LONRF1: variants seen among roughly 807,000 people sequenced by gnomAD.
The protein encoded by LONRF1 is LON peptidase N-terminal domain and RING finger protein 1.
Under a neutral mutation model 85.8 loss-of-function variants are expected in LONRF1, and 37 were observed. That is an observed-to-expected ratio of 0.43 (90% confidence interval 0.33 to 0.57). The LOEUF is 0.57. Among genes scored for constraint, LONRF1 ranks in the 20% least tolerant of loss-of-function variants. The probability of loss-of-function intolerance (pLI) is 0.04; values close to 1 mark genes in which losing one functional copy is unlikely to be tolerated. For synonymous variants in LONRF1, 517 were observed against 390.1 expected, an observed-to-expected ratio of 1.33 and a Z score of -3.83; for missense variants, 1,036 against 978.0, an observed-to-expected ratio of 1.06 and a Z score of -0.79.
rs1427792638 is a variant in LONRF1, at chr8:12,728,993, C to T, written c.1918G>A (p.Asp640Asn). The T allele has an allele frequency of 1.2e-6, 2 of 1,614,026 alleles. No homozygotes were observed. The highest frequency in any genetic ancestry group is 1.7e-6 in the Non-Finnish European group (2 of 1,179,906). The change falls in exon 10 of 12, where the codon GAT (aspartate) becomes AAT (asparagine). Residue 640 changes from aspartate (D) to asparagine (N), a missense_variant. By Grantham distance (23) the Asp-to-Asn change is conservative. Coordinates refer to ENST00000398246, the MANE Select transcript of LONRF1 (RefSeq NM_152271.5). Reference protein sequence around the residue: ...HFLPDGRSVVDTVGGKRFRVL... With the variant: ...HFLPDGRSVVNTVGGKRFRVL... ...CTAAACCGCTTTCCTCCAACTGTAT[C>T]AACCACAGACCTTCCGTCCGGTAAG...
rs1385627902 is a variant in LONRF1 at position 12,725,775 on chromosome 8, T to C, written c.2115A>G (p.Gln705=). The C allele has an allele frequency of 2.5e-6, 4 of 1,613,602 alleles. No homozygotes were observed. Among genetic ancestry groups the C allele is most frequent in the Middle Eastern group, 1.6e-4 (1 of 6,082 alleles). ...FQNLRDRFRS[Q]ILQHFGSMPE... ...GCATTGATCCGAAATGCTGAAGAAT[T>C]TGGCTTCGAAATCTGTCTCTTAAAT... Residue 705 remains glutamine, a synonymous_variant, in exon 11 of 12, where the codon CAA becomes CAG. Transcript: ENST00000398246.
intron 10 of LONRF1, chr8:12,727,117 A>AT (rs1554460299): frequency 1.5e-5 from 1 of 68,908 alleles, no homozygotes; most frequent in African/African-American, 3.9e-5. Context: ...GCCTTGTTAA[A>AT]TCTTTTTTTT....
chr8:12,744,680 T>C (rs1251005103), intron 1 of LONRF1, among the ~76,000 whole-genome samples: 2 of 152,152 alleles, frequency 1.3e-5, no homozygotes, highest in East Asian at 1.9e-4. Flanking sequence ...CAGAGCAGCG[T>C]ATGGCAAAAT....
chr8:12,736,872 TTA>T, intron 5 of LONRF1, 26 bp downstream of exon 5: 2 of 1,576,038 alleles, frequency 1.3e-6, no homozygotes, highest in Non-Finnish European at 1.7e-6. Flanking sequence ...TAAATTTATT[TTA>T]TATAAGTGTA....
At chr8:12,730,438 T>G (rs922206678) in intron 8 of LONRF1, among the ~76,000 whole-genome samples, 1 of 152,222 alleles carries the variant, frequency 6.6e-6, no homozygotes, top group African/African-American at 2.4e-5. Context: ...GACCATCAAT[T>G]ACTTATATAA....
Position 12,743,302 on chromosome 8 carries a change from A to C in LONRF1, c.722-20T>G, listed in dbSNP as rs752893150. The stretch of plus-strand genomic sequence containing the variant: ...TGGGTTCTGAAATAAATATTTTATA[A>C]GGATATGATTATTTTTAAAAGATTA... On this transcript the variant is annotated intron_variant, in intron 1 of 11. Coordinates refer to ENST00000398246, the MANE Select transcript of LONRF1 (RefSeq NM_152271.5). 19 of 1,323,134 alleles carry C rather than the reference A, an allele frequency of 1.4e-5. No individual in the cohort carries two copies. Among genetic ancestry groups the C allele is most frequent in the Non-Finnish European group, 2.0e-5 (19 of 927,362 alleles). The allele number at this position is 1,323,134 out of a possible 1,614,324, so 82.0% of individuals were successfully genotyped here. A position where few individuals can be genotyped will look rare whatever the true frequency, so the allele number is the denominator to read the frequency against.
chr8:12,748,090 G>C (rs1799236224), intron 1 of LONRF1, among the ~76,000 whole-genome samples: 3 of 152,088 alleles, frequency 2.0e-5, no homozygotes, highest in Admixed American at 2.0e-4. Flanking sequence ...CTGCAATTAA[G>C]TTACTTCCAA....
At chr8:12,732,627 T>C (rs550884453) in intron 7 of LONRF1, among the ~76,000 whole-genome samples, 67 of 152,354 alleles carry the variant, frequency 4.4e-4, no homozygotes, top group African/African-American at 1.6e-3. Context: ...CTTCAAGGTC[T>C]GACTCCAATT....
At chr8:12,744,042 TAAA>T (rs1391045226) in intron 1 of LONRF1, among the ~76,000 whole-genome samples, 1 of 152,180 alleles carries the variant, frequency 6.6e-6, no homozygotes, top group Non-Finnish European at 1.5e-5. Flanking sequence ...ACACAGATTC[TAAA>T]ACTGATGTCC....
intron 1 of LONRF1, among the ~76,000 whole-genome samples, chr8:12,746,769 C>T (rs923092746): frequency 6.6e-6 from 1 of 152,152 alleles, no homozygotes; most frequent in Non-Finnish European, 1.5e-5. Flanking sequence ...CATGATCATA[C>T]AGCTAGTAAT....
Position 12,728,779 on chromosome 8 carries a change from T to C in LONRF1, c.2010+122A>G, listed in dbSNP as rs1199843835. On this transcript the variant is annotated intron_variant, in intron 10 of 11. Coordinates refer to ENST00000398246, the MANE Select transcript of LONRF1 (RefSeq NM_152271.5). ...AAAGGTAACTTGGAGCACATTCTCA[T>C]CACAGTGGTAAGGCTGTCTGATAAG... 43 of 1,077,578 alleles carry C rather than the reference T, an allele frequency of 4.0e-5. 1 individual carries two copies. Among genetic ancestry groups the C allele is most frequent in the East Asian group, 2.4e-4 (10 of 41,700 alleles). The allele number at this position is 1,077,578 out of a possible 1,614,324, so 66.8% of individuals were successfully genotyped here. A position where few individuals can be genotyped will look rare whatever the true frequency, so the allele number is the denominator to read the frequency against.
chr8:12,732,280 T>C (rs1211495358), intron 7 of LONRF1, among the ~76,000 whole-genome samples: 1 of 152,184 alleles, frequency 6.6e-6, no homozygotes, highest in Non-Finnish European at 1.5e-5. Flanking sequence ...AAGCAAAACA[T>C]CTGTTTTGTT....
chr8:12,724,471 G>C (rs1302962739), intron 11 of LONRF1, among the ~76,000 whole-genome samples: 1 of 152,154 alleles, frequency 6.6e-6, no homozygotes, highest in Non-Finnish European at 1.5e-5. Flanking sequence ...TTCTGTAGGT[G>C]ACATCCCTGA....
intron 4 of LONRF1, 80 bp from the exon 5 acceptor site, chr8:12,737,220 A>T (rs1798754317): frequency 1.4e-6 from 2 of 1,452,748 alleles, no homozygotes; most frequent in Non-Finnish European, 1.9e-6. Context: ...AACTGAAATG[A>T]AATTTCAATG....
rs1799013343 is a variant in LONRF1, at chr8:12,743,281, T to C, written c.723A>G (p.Glu241=). The C allele has an allele frequency of 2.0e-6, 3 of 1,528,890 alleles. No individual in the cohort carries two copies. Among genetic ancestry groups the C allele is most frequent in the Non-Finnish European group, 2.7e-6 (3 of 1,107,294 alleles). The allele number at this position is 1,528,890 out of a possible 1,614,324, so 94.7% of individuals were successfully genotyped here. The change falls in exon 2 of 12, where the codon GAA becomes GAG. Residue 241 remains glutamate (E), a splice_region_variant and synonymous_variant. Coordinates refer to ENST00000398246, the MANE Select transcript of LONRF1 (RefSeq NM_152271.5). ...LAAACEALRA[E]PSDLIVKIYR... ...AAATTTTTACAATCAAGTCACTGGGTTCTGAAATAAATATTTTATAAGGAT... is the reference window on the plus strand; with the variant it reads ...AAATTTTTACAATCAAGTCACTGGGCTCTGAAATAAATATTTTATAAGGAT...
chr8:12,726,011 G>T, intron 10 of LONRF1, 132 bp from the exon 11 acceptor site: 3 of 744,344 alleles, frequency 4.0e-6, no homozygotes, highest in South Asian at 3.9e-5. Flanking sequence ...GTCCCAGAGA[G>T]TATTATTCCT....
chr8:12,747,480 A>G (rs370223682), intron 1 of LONRF1, among the ~76,000 whole-genome samples: 1 of 152,238 alleles, frequency 6.6e-6, no homozygotes, highest in South Asian at 2.1e-4. Context: ...AGAAATAGCC[A>G]GTGTTGGTGT....
intron 1 of LONRF1, among the ~76,000 whole-genome samples, chr8:12,743,516 T>C (rs1799022751): frequency 6.6e-6 from 1 of 152,170 alleles, no homozygotes. Context: ...GAAACTGTTT[T>C]CCAGAATACT....
chr8:12,727,169 A>C (rs1392713588), intron 10 of LONRF1: 1 of 146,892 alleles, frequency 6.8e-6, no homozygotes, highest in African/African-American at 2.5e-5. Context: ...CACAAAATTC[A>C]AGAAAACAAA....
Sources: allele counts gnomAD v4.1 joint callset (sites outside exome capture counted in the v4.1 genomes callset), GRCh38; gene constraint gnomAD v4.1.1; transcripts MANE v1.5; gene names NCBI Gene and HGNC (gene_info 2026-07-23, HGNC 2026-07-21).